The following OPCML variants were observed in gnomAD, a reference collection of about 807,000 sequenced individuals.
The protein encoded by OPCML is opioid binding protein/cell adhesion molecule like.
A neutral mutation model predicts 37.8 loss-of-function variants in OPCML; 13 were observed. The ratio of observed to expected loss-of-function variants is 0.34; its 90% CI spans 0.22 to 0.55. OPCML has a LOEUF of 0.55. OPCML is among the 20% of genes least tolerant of loss of function. The pLI is 0.91. For missense variants in OPCML, 341 were observed against 435.6 expected (o/e 0.78, Z 1.93); for synonymous variants, 176 against 168.8 (o/e 1.04, Z -0.33).
chr11:133,071,457 G>A (rs1281383688), intron 1 of OPCML, among the ~76,000 whole-genome samples: 1 of 152,184 alleles, frequency 6.6e-6, no homozygotes, highest in Non-Finnish European at 1.5e-5. Context: ...ATATTTAGAT[G>A]TATAAATGAG....
Position 132,818,266 on chromosome 11 carries a change from A to C in OPCML, c.146+124660T>G, listed in dbSNP as rs145654252. Among the ~76,000 whole-genome samples, 183 of 152,168 alleles carry C rather than the reference A, an allele frequency of 1.2e-3. 1 individual carries two copies. Among genetic ancestry groups the C allele is most frequent in the African/African-American group, 4.0e-3 (168 of 41,526 alleles). Reference sequence around the variant, plus strand: ...CTTTCATTTACTTTATCAATTTTTTATTCTATTTTCTTCTATTTTATCTTT... The same window carrying C: ...CTTTCATTTACTTTATCAATTTTTTCTTCTATTTTCTTCTATTTTATCTTT... On this transcript the variant is annotated intron_variant, in intron 2 of 7. Coordinates refer to ENST00000524381, the MANE Select transcript of OPCML (RefSeq NM_001012393.5).
chr11:133,140,982 A>C (rs143331589), intron 1 of OPCML, among the ~76,000 whole-genome samples: 297 of 3,994 alleles, frequency 0.074, 58 homozygotes, highest in East Asian at 0.25. Context: ...AAGAAGAAGA[A>C]GAAGAAGAAG....
chr11:132,672,357 A>AAGAATC (rs1942513761), intron 2 of OPCML, among the ~76,000 whole-genome samples: 2 of 152,242 alleles, frequency 1.3e-5, no homozygotes, highest in Non-Finnish European at 2.9e-5. Flanking sequence ...TTGTGCACTG[A>AAGAATC]AGAATCAGGG....
At chr11:133,286,990 C>T (rs180941471) in intron 1 of OPCML, among the ~76,000 whole-genome samples, 7 of 152,228 alleles carry the variant, frequency 4.6e-5, no homozygotes, top group African/African-American at 1.4e-4. Flanking sequence ...TGCGCACTGC[C>T]TGGGAGGAGA....
chr11:133,150,924 C>T (rs564939974), intron 1 of OPCML, among the ~76,000 whole-genome samples: 8 of 152,148 alleles, frequency 5.3e-5, no homozygotes, highest in African/African-American at 1.7e-4. Flanking sequence ...CCACATCCTC[C>T]CCTGCCCCGG....
chr11:132,712,706 A>C (rs1944317486), intron 2 of OPCML, among the ~76,000 whole-genome samples: 1 of 152,200 alleles, frequency 6.6e-6, no homozygotes, highest in South Asian at 2.1e-4. Flanking sequence ...CTTCCCACTC[A>C]GCATGAAATC....
At chr11:132,732,284 A>G (rs1945103448) in intron 2 of OPCML, among the ~76,000 whole-genome samples, 1 of 152,244 alleles carries the variant, frequency 6.6e-6, no homozygotes, top group Admixed American at 6.5e-5. Flanking sequence ...CCCCAATGAC[A>G]ACTAAGTCAT....
At chr11:133,200,188 G>A (rs373928910) in intron 1 of OPCML, among the ~76,000 whole-genome samples, 5 of 151,978 alleles carry the variant, frequency 3.3e-5, no homozygotes, top group African/African-American at 4.8e-5. Flanking sequence ...CTGAGATGTC[G>A]CCCCTGACTG....
chr11:132,529,737 C>A (rs1246359310), intron 3 of OPCML, among the ~76,000 whole-genome samples: 1 of 152,158 alleles, frequency 6.6e-6, no homozygotes, highest in Non-Finnish European at 1.5e-5. Context: ...ACCTGAAAAT[C>A]CCCAATCATC....
intron 2 of OPCML, among the ~76,000 whole-genome samples, chr11:132,803,735 C>T (rs1007318277): frequency 1.3e-5 from 2 of 152,130 alleles, no homozygotes; most frequent in Non-Finnish European, 2.9e-5. Flanking sequence ...GCTAAAACTA[C>T]CTAGTGACTC....
intron 1 of OPCML, among the ~76,000 whole-genome samples, chr11:133,089,731 G>A (rs1258411411): frequency 1.3e-5 from 2 of 151,864 alleles, no homozygotes; most frequent in South Asian, 2.1e-4. Flanking sequence ...ATCAGAGAAG[G>A]ATTTGTTGAG....
chr11:132,434,097 A>G (rs777790095), intron 7 of OPCML, among the ~76,000 whole-genome samples: 4 of 152,142 alleles, frequency 2.6e-5, no homozygotes, highest in Non-Finnish European at 5.9e-5. Flanking sequence ...CTGCAACAGC[A>G]ATCCCACCAA....
intron 1 of OPCML, among the ~76,000 whole-genome samples, chr11:133,483,824 G>GATAGATAGATAGATAA (rs1392164959): frequency 6.8e-6 from 1 of 148,100 alleles, no homozygotes; most frequent in Admixed American, 6.8e-5. Context: ...TAGATAGATA[G>GATAGATAGATAGATAA]ATAGGATGGA....
chr11:133,345,407 T>G (rs1943975326), intron 1 of OPCML, among the ~76,000 whole-genome samples: 1 of 152,196 alleles, frequency 6.6e-6, no homozygotes, highest in Non-Finnish European at 1.5e-5. Flanking sequence ...ATAAACACAA[T>G]GTGTATATTT....
At chr11:132,565,269 C>G (rs1049266838) in intron 3 of OPCML, among the ~76,000 whole-genome samples, 5 of 152,150 alleles carry the variant, frequency 3.3e-5, no homozygotes, top group Non-Finnish European at 5.9e-5. Context: ...AACACTAATG[C>G]TCATGCTCAC....
intron 1 of OPCML, among the ~76,000 whole-genome samples, chr11:133,009,957 T>C (rs993840170): frequency 2.6e-5 from 4 of 152,208 alleles, no homozygotes; most frequent in African/African-American, 7.2e-5. Context: ...ATGCCCAGAA[T>C]GGTAAGAGGT....
chr11:133,205,550 C>T lies in OPCML; in HGVS notation c.62-262540G>A, dbSNP rs556846578. Among the ~76,000 whole-genome samples the T allele has an allele frequency of 3.3e-5, 5 of 152,168 alleles. No homozygotes were observed. Among genetic ancestry groups the T allele is most frequent in the South Asian group, 2.1e-4 (1 of 4,832 alleles). On this transcript the variant is annotated intron_variant, in intron 1 of 7. Transcript: ENST00000524381. This position sits in a 1 kb window ranked among gnomAD's most constrained non-coding sequence, Gnocchi z 4.8. ...CTGAGCCTCACCCTATGGGGACTGA[C>T]GCCGTCTCCAGGTAGACAGTGTCAG...
chr11:132,620,513 G>C (rs1375978795), intron 3 of OPCML, among the ~76,000 whole-genome samples: 1 of 152,190 alleles, frequency 6.6e-6, no homozygotes, highest in Non-Finnish European at 1.5e-5. Context: ...AGAGATGGAA[G>C]GCTAAGGGGA....
intron 1 of OPCML, among the ~76,000 whole-genome samples, chr11:133,387,533 T>A (rs1592255767): frequency 6.6e-6 from 1 of 152,230 alleles, no homozygotes; most frequent in East Asian, 1.9e-4. Flanking sequence ...TATGAGAAGT[T>A]ACCTGACAAA....
Sources: allele counts gnomAD v4.1 joint callset (sites outside exome capture counted in the v4.1 genomes callset), GRCh38; gene constraint gnomAD v4.1.1; non-coding constraint Gnocchi (gnomAD v3.1); transcripts MANE v1.5; gene names NCBI Gene and HGNC (gene_info 2026-07-23, HGNC 2026-07-21).